Variants in EMC7 observed in about 807,000 individuals in gnomAD.
EMC7 encodes the protein endoplasmic reticulum membrane protein complex subunit 7.
A neutral mutation model predicts 24.4 loss-of-function variants in EMC7; 4 were observed. The observed-to-expected ratio is 0.16, with a 90% CI of 0.08 to 0.38. The LOEUF (loss-of-function observed/expected upper bound fraction) is 0.38. Ranked by LOEUF, EMC7 falls within the 10% of genes least tolerant of loss-of-function variation. The probability of loss-of-function intolerance (pLI) is 1.00; values close to 1 mark genes in which losing one functional copy is unlikely to be tolerated. For synonymous variants in EMC7, 106 were observed against 112.0 expected (o/e 0.95, Z 0.34); for missense variants, 221 against 300.6 (o/e 0.74, Z 1.96).
chr15:34,095,789 T>C, intron 2 of EMC7, 106 bp downstream of exon 2: 1 of 1,126,664 alleles, frequency 8.9e-7, no homozygotes, highest in Admixed American at 2.7e-5. Context: ...ATAGCTGTAG[T>C]TTAAATAAAA....
At chr15:34,097,835 G>A (rs946685976) in intron 1 of EMC7, among the ~76,000 whole-genome samples, 1 of 152,088 alleles carries the variant, frequency 6.6e-6, no homozygotes, top group African/African-American at 2.4e-5. Flanking sequence ...TGGGTGTGGT[G>A]GCATGCGCGT....
rs767998130 is a variant in EMC7 at position 34,101,625 on chromosome 15, TCTC to T, written c.212_214del (p.Gly71del). The T allele has an allele frequency of 6.2e-7, 1 of 1,613,738 alleles. No homozygotes were observed. The highest frequency in any genetic ancestry group is 8.5e-7 in the Non-Finnish European group (1 of 1,179,936). On this transcript the variant is annotated inframe_deletion, in exon 1 of 5. Coordinates refer to ENST00000256545, the MANE Select transcript of EMC7 (RefSeq NM_020154.3). The stretch of plus-strand genomic sequence containing the variant: ...TCACTTAAGGAAACCGACGTGCTCT[TCTC>T]CGTCTACCAGCACTCGGGCCGCCGA...
chr15:34,097,918 G>A (rs930079812), intron 1 of EMC7, among the ~76,000 whole-genome samples: 4 of 148,470 alleles, frequency 2.7e-5, no homozygotes, highest in South Asian at 4.2e-4. Flanking sequence ...GCAATGAGCC[G>A]AGATTGTGCC....
At chr15:34,093,606 C>A in intron 2 of EMC7, among the ~76,000 whole-genome samples, 1 of 149,894 alleles carries the variant, frequency 6.7e-6, no homozygotes. Context: ...TCATTCCGTC[C>A]AATATTGTGT....
intron 4 of EMC7, chr15:34,085,815 T>C (rs1024136974): frequency 2.0e-5 from 3 of 151,732 alleles, no homozygotes; most frequent in African/African-American, 7.3e-5. Flanking sequence ...TATTTTTGAA[T>C]CTGTTCAATT....
intron 3 of EMC7, among the ~76,000 whole-genome samples, chr15:34,089,516 C>T (rs72720714): frequency 0.1 from 15,275 of 152,226 alleles, 1,040 homozygotes; most frequent in Admixed American, 0.2. Context: ...ATCATAACAT[C>T]GGTTCATAAT....
chr15:34,087,245 A>C (rs574183146), intron 4 of EMC7, among the ~76,000 whole-genome samples: 1 of 152,332 alleles, frequency 6.6e-6, no homozygotes, highest in South Asian at 2.1e-4. Flanking sequence ...TATATACTAA[A>C]TAAAATGGGG....
chr15:34,084,666 C>G lies in EMC7; in HGVS notation c.577-180G>C, dbSNP rs546405761. Among the ~76,000 whole-genome samples, 21 of 152,126 alleles carry G rather than the reference C, an allele frequency of 1.4e-4. No homozygotes were observed. The East Asian group carries it at 4.1e-3, about 29-fold the overall frequency. On this transcript the variant is annotated intron_variant, in intron 4 of 4. Coordinates refer to ENST00000256545, the MANE Select transcript of EMC7 (RefSeq NM_020154.3). Reference sequence around the variant, plus strand: ...TATCATTAGTAACTATTTTCCATATCTCCTTTATACCACTAGACATTTTGA... The same window carrying G: ...TATCATTAGTAACTATTTTCCATATGTCCTTTATACCACTAGACATTTTGA...
At chr15:34,090,093 C>A (rs1900954863) in intron 3 of EMC7, among the ~76,000 whole-genome samples, 1 of 152,222 alleles carries the variant, frequency 6.6e-6, no homozygotes, top group Non-Finnish European at 1.5e-5. Context: ...TATCCAATTT[C>A]TATTACACAT....
At chr15:34,084,613 C>T in intron 4 of EMC7, 127 bp from the exon 5 acceptor site, 1 of 946,244 alleles carries the variant, frequency 1.1e-6, no homozygotes, top group African/African-American at 1.6e-5. Context: ...AATGATGCAA[C>T]ATCATACTCA....
At chr15:34,099,641 T>C (rs565229901) in intron 1 of EMC7, among the ~76,000 whole-genome samples, 4 of 152,374 alleles carry the variant, frequency 2.6e-5, no homozygotes. Context: ...GGTTTTGCTC[T>C]GTAGCCCAGG....
At position 34,101,726 on chromosome 15, in the gene EMC7, C is replaced by G. The variant is rs77698400; in HGVS notation, c.114G>C (p.Gly38=). The change falls in exon 1 of 5, where the codon GGG becomes GGC. Residue 38 remains glycine (G), a synonymous_variant. Coordinates refer to ENST00000256545, the MANE Select transcript of EMC7 (RefSeq NM_020154.3). ...GAAAEGSGGS[G]VGIGDRFKIE... ...TCTTGAAGCGATCTCCTATGCCGACCCCACTCCCTCCCGATCCCTCAGCAG... is the reference window on the plus strand; with the variant it reads ...TCTTGAAGCGATCTCCTATGCCGACGCCACTCCCTCCCGATCCCTCAGCAG... 6.1e-5 allele frequency: 98 copies of G among 1,613,656 alleles called. No homozygotes were observed. Among genetic ancestry groups the G allele is most frequent in the Non-Finnish European group, 7.8e-5 (92 of 1,179,990 alleles).
At chr15:34,093,823 A>ATTT (rs753095506) in intron 2 of EMC7, among the ~76,000 whole-genome samples, 1 of 48,714 alleles carries the variant, frequency 2.1e-5, no homozygotes, top group African/African-American at 1.1e-4. Context: ...ATATATATAT[A>ATTT]TTTTTTTTTT....
intron 2 of EMC7, among the ~76,000 whole-genome samples, chr15:34,094,409 C>A (rs559515003): frequency 1.3e-5 from 2 of 152,066 alleles, no homozygotes; most frequent in Admixed American, 6.5e-5. Flanking sequence ...GTGGTAGGTG[C>A]CTGTAGTCCC....
chr15:34,089,322 A>G (rs2140867999), intron 3 of EMC7, among the ~76,000 whole-genome samples: 1 of 152,364 alleles, frequency 6.6e-6, no homozygotes. Context: ...ATTTATAAAA[A>G]CATGATAAAT....
intron 3 of EMC7, among the ~76,000 whole-genome samples, chr15:34,089,457 AAC>A (rs1309976242): frequency 6.6e-6 from 1 of 152,220 alleles, no homozygotes; most frequent in Admixed American, 6.5e-5. Context: ...TAAAAATAAA[AAC>A]AAATTTTTAA....
Position 34,084,310 on chromosome 15 carries a change from A to G in EMC7, c.*24T>C, listed in dbSNP as rs778532651. 1.6e-4 allele frequency: 249 copies of G among 1,600,126 alleles called. No individual in the cohort carries two copies. Among genetic ancestry groups the G allele is most frequent in the Non-Finnish European group, 2.1e-4 (243 of 1,169,912 alleles). ...CCACCCAGTGTTGCCGTGTTTGTGCAAATGCCAGCTCTGGACGGCCTGACT... is the reference window on the plus strand; with the variant it reads ...CCACCCAGTGTTGCCGTGTTTGTGCGAATGCCAGCTCTGGACGGCCTGACT... On this transcript the variant is annotated 3_prime_UTR_variant, in exon 5 of 5. Coordinates refer to ENST00000256545, the MANE Select transcript of EMC7 (RefSeq NM_020154.3).
intron 4 of EMC7, among the ~76,000 whole-genome samples, chr15:34,087,293 C>T (rs780243173): frequency 7.9e-5 from 12 of 152,038 alleles, no homozygotes; most frequent in Non-Finnish European, 1.2e-4. Flanking sequence ...GATGGTTGAA[C>T]GGAAAAATGC....
chr15:34,095,813 TA>T (rs1231739424), intron 2 of EMC7, 81 bp downstream of exon 2: 23 of 1,288,784 alleles, frequency 1.8e-5, no homozygotes, highest in Non-Finnish European at 8.2e-6. Flanking sequence ...ATTTTCCATC[TA>T]AACTATTAAT....
Sources: gnomAD v4.1 joint callset for allele counts (sites outside exome capture counted in the v4.1 genomes callset) on GRCh38, gnomAD v4.1.1 for gene constraint, MANE v1.5 for transcripts, NCBI Gene and HGNC (gene_info 2026-07-23, HGNC 2026-07-21) for gene names.